The following NEDD4L variants were observed in gnomAD, a reference collection of about 807,000 sequenced individuals.
The protein encoded by NEDD4L is E3 ubiquitin-protein ligase NEDD4-like.
NEDD4L carries 54 observed loss-of-function variants against 148.9 expected under a neutral mutation model. That is an observed-to-expected ratio of 0.36 (90% CI 0.29 to 0.45). The LOEUF is 0.45. Ranked by LOEUF, NEDD4L falls within the 20% of genes least tolerant of loss-of-function variation. NEDD4L has a pLI of 1.00. For missense variants in NEDD4L, 856 were observed against 1,233.8 expected (o/e 0.69, Z 4.59); for synonymous variants, 433 against 440.7 (o/e 0.98, Z 0.22).
intron 2 of NEDD4L, among the ~76,000 whole-genome samples, chr18:58,226,468 A>C (rs528813521): frequency 1.4e-4 from 22 of 152,316 alleles, no homozygotes; most frequent in African/African-American, 5.1e-4. Flanking sequence ...CTGGCAAATG[A>C]TGTTTTGCAA....
chr18:58,165,674 T>G, intron 1 of NEDD4L, 114 bp from the exon 2 acceptor site: 12 of 1,527,014 alleles, frequency 7.9e-6, no homozygotes, highest in Non-Finnish European at 1.1e-5. Flanking sequence ...CGAATTGATT[T>G]GTTCTGTATC....
intron 2 of NEDD4L, among the ~76,000 whole-genome samples, chr18:58,197,269 C>G (rs949948302): frequency 1.3e-5 from 2 of 152,138 alleles, no homozygotes; most frequent in Non-Finnish European, 1.5e-5. Flanking sequence ...AAACCTTAAC[C>G]TGTTTATAAT....
chr18:58,049,035 C>T (rs2081731881), intron 1 of NEDD4L, among the ~76,000 whole-genome samples: 1 of 152,162 alleles, frequency 6.6e-6, no homozygotes, highest in Non-Finnish European at 1.5e-5. Flanking sequence ...TTATGACATA[C>T]TGTCCATCTT....
In NEDD4L at chr18:58,341,048, C is replaced by A; in HGVS notation, c.1136C>A (p.Ala379Asp). 6.2e-7 allele frequency: 1 copy of A among 1,609,774 alleles called. No individual in the cohort carries two copies. ...TTCTTGCACAAACAGCCATCAGTGG[C>A]CTATGTACATACCACGCCGGGTCTG... ...TGGEEPTPSVAYVHTTPGLPS... is the reference protein window; with the variant it reads ...TGGEEPTPSVDYVHTTPGLPS... Residue 379 changes from alanine to aspartate, a missense_variant, in exon 14 of 31, where the codon GCC becomes GAC. Ala to Asp is a moderately radical substitution (Grantham distance 126). Coordinates refer to ENST00000400345, the MANE Select transcript of NEDD4L (RefSeq NM_001144967.3).
At chr18:58,213,205 C>G (rs1010853287) in intron 2 of NEDD4L, among the ~76,000 whole-genome samples, 7 of 152,074 alleles carry the variant, frequency 4.6e-5, no homozygotes, top group Admixed American at 2.6e-4. Flanking sequence ...AACTATCATA[C>G]CTTTCTTCTA....
intron 2 of NEDD4L, among the ~76,000 whole-genome samples, chr18:58,223,614 G>A (rs981814955): frequency 3.9e-5 from 6 of 152,152 alleles, no homozygotes; most frequent in African/African-American, 1.2e-4. Flanking sequence ...TTCATGTGAA[G>A]CCATTTTCAT....
At chr18:58,080,759 T>C (rs1373984090) in intron 1 of NEDD4L, among the ~76,000 whole-genome samples, 1 of 152,178 alleles carries the variant, frequency 6.6e-6, no homozygotes, top group African/African-American at 2.4e-5. Flanking sequence ...AAAGCCATCA[T>C]TTAGTAACTG....
chr18:58,385,432 C>T (rs2048883791), intron 25 of NEDD4L, 94 bp from the exon 26 acceptor site: 4 of 976,878 alleles, frequency 4.1e-6, no homozygotes, highest in African/African-American at 1.6e-5. Flanking sequence ...GCTCTGCTGT[C>T]GTGGATGGAG....
At chr18:58,097,443 T>A (rs555071591) in intron 1 of NEDD4L, among the ~76,000 whole-genome samples, 21 of 152,286 alleles carry the variant, frequency 1.4e-4, no homozygotes, top group Non-Finnish European at 1.9e-4. Context: ...AGGCAAAGTG[T>A]TCTACTTTTA....
chr18:58,165,988 G>A, intron 2 of NEDD4L, 127 bp downstream of exon 2: 1 of 740,360 alleles, frequency 1.4e-6, no homozygotes, highest in Non-Finnish European at 2.3e-6. Context: ...CCACCTGCAG[G>A]GATTCTGATT....
At chr18:58,361,786 A>G (rs1360826744) in intron 19 of NEDD4L, among the ~76,000 whole-genome samples, 2 of 152,186 alleles carry the variant, frequency 1.3e-5, no homozygotes, top group Non-Finnish European at 2.9e-5. Context: ...ATCAACAGAT[A>G]TGTTCATTTT....
chr18:58,344,571 A>G (rs936307441), intron 16 of NEDD4L, among the ~76,000 whole-genome samples: 2 of 152,234 alleles, frequency 1.3e-5, no homozygotes, highest in Non-Finnish European at 2.9e-5. Context: ...ATCTGGTAAC[A>G]TTCATTTGGT....
Position 58,165,734 on chromosome 18 carries a change from G to A in NEDD4L, c.49-54G>A, listed in dbSNP as rs7239316. 2,575 of 1,538,738 alleles carry A rather than the reference G, an allele frequency of 1.7e-3. 24 individuals carry two copies. In the African/African-American group the frequency reaches 0.03, roughly 18 times the overall value. ...AATTACTTTAATATTGGATGAGAGA[G>A]TGATTGATTGAAGATCAGGTTTTTA... On this transcript the variant is annotated intron_variant, in intron 1 of 30. Transcript: ENST00000400345.
intron 5 of NEDD4L, among the ~76,000 whole-genome samples, chr18:58,310,906 C>T (rs1250667945): frequency 6.6e-6 from 1 of 152,202 alleles, no homozygotes; most frequent in Non-Finnish European, 1.5e-5. Flanking sequence ...CGATCTGTAA[C>T]ATACAAAGAT....
intron 1 of NEDD4L, among the ~76,000 whole-genome samples, chr18:58,088,818 A>G (rs1195426769): frequency 6.6e-6 from 1 of 152,102 alleles, no homozygotes; most frequent in African/African-American, 2.4e-5. Context: ...TATGTTACTG[A>G]CTGGCGTATT....
intron 1 of NEDD4L, among the ~76,000 whole-genome samples, chr18:58,093,200 A>T (rs761768400): frequency 6.6e-6 from 1 of 152,176 alleles, no homozygotes. Context: ...CTTTTTGTAG[A>T]TTGTGAGCTC....
At chr18:58,236,946 C>T (rs1159752554) in intron 2 of NEDD4L, among the ~76,000 whole-genome samples, 1 of 152,056 alleles carries the variant, frequency 6.6e-6, no homozygotes, top group African/African-American at 2.4e-5. Context: ...TAGCTTGAAC[C>T]TGGGAGGCAG....
intron 2 of NEDD4L, among the ~76,000 whole-genome samples, chr18:58,199,485 G>A (rs970132531): frequency 6.6e-6 from 1 of 152,170 alleles, no homozygotes; most frequent in Admixed American, 6.5e-5. Flanking sequence ...GACCGTATAC[G>A]AAATGCTGTG....
intron 1 of NEDD4L, among the ~76,000 whole-genome samples, chr18:58,103,757 A>G (rs1425338001): frequency 6.6e-6 from 1 of 152,252 alleles, no homozygotes; most frequent in Admixed American, 6.5e-5. Context: ...TATAGAAGAA[A>G]TAGCTGACTG....
Sources: allele counts gnomAD v4.1 joint callset (sites outside exome capture counted in the v4.1 genomes callset), GRCh38; gene constraint gnomAD v4.1.1; transcripts MANE v1.5; gene names NCBI Gene and HGNC (gene_info 2026-07-23, HGNC 2026-07-21).